Variants in NOL4 observed in about 807,000 individuals in gnomAD.
NOL4 encodes the protein nucleolar protein 4.
A neutral mutation model predicts 75.9 loss-of-function variants in NOL4; 17 were observed. That is an observed-to-expected ratio of 0.22 (90% CI 0.15 to 0.34). The LOEUF is 0.34. Ranked by LOEUF, NOL4 falls within the 10% of genes least tolerant of loss-of-function variation. NOL4 has a pLI of 1.00. For synonymous variants in NOL4, 292 were observed against 289.9 expected (o/e 1.01, Z -0.07); for missense variants, 614 against 793.5 (o/e 0.77, Z 2.72).
chr18:33,945,845 C>A (rs746528194), intron 8 of NOL4, among the ~76,000 whole-genome samples: 1 of 151,626 alleles, frequency 6.6e-6, no homozygotes, highest in East Asian at 1.9e-4. Context: ...TAGAAGTCAT[C>A]CAGTACAAGT....
intron 2 of NOL4, among the ~76,000 whole-genome samples, chr18:34,115,863 G>A (rs1387502024): frequency 6.6e-6 from 1 of 152,104 alleles, no homozygotes; most frequent in Non-Finnish European, 1.5e-5. Flanking sequence ...CCCAGACAAT[G>A]AGGCCATTTC....
At chr18:33,982,010 C>T (rs890044294) in intron 6 of NOL4, among the ~76,000 whole-genome samples, 2 of 152,038 alleles carry the variant, frequency 1.3e-5, no homozygotes, top group Admixed American at 6.6e-5. Context: ...ATGTCTATTG[C>T]AAACTCTAGA....
intron 9 of NOL4, among the ~76,000 whole-genome samples, chr18:33,912,400 A>G (rs548926854): frequency 2.6e-5 from 4 of 152,192 alleles, no homozygotes; most frequent in Non-Finnish European, 5.9e-5. Flanking sequence ...CAAATTTTCT[A>G]ATATAATATA....
intron 9 of NOL4, among the ~76,000 whole-genome samples, chr18:33,907,489 GATA>G (rs2066131220): frequency 6.6e-6 from 1 of 151,870 alleles, no homozygotes; most frequent in Non-Finnish European, 1.5e-5. Context: ...ATAATCTAAG[GATA>G]ATATTTATGT....
intron 9 of NOL4, among the ~76,000 whole-genome samples, chr18:33,937,752 A>G (rs2068163133): frequency 6.6e-6 from 1 of 152,104 alleles, no homozygotes; most frequent in Non-Finnish European, 1.5e-5. Flanking sequence ...AAGGAAATCT[A>G]TAGAATTTAC....
chr18:33,948,891 G>A (rs191072777), intron 8 of NOL4, among the ~76,000 whole-genome samples: 191 of 152,120 alleles, frequency 1.3e-3, no homozygotes, highest in African/African-American at 4.0e-3. Context: ...GCATTATTAA[G>A]AGTGTGTTTA....
chr18:33,865,955 C>T (rs2063410463), intron 10 of NOL4, among the ~76,000 whole-genome samples: 1 of 152,084 alleles, frequency 6.6e-6, no homozygotes, highest in Non-Finnish European at 1.5e-5. Flanking sequence ...ATATTGTACA[C>T]ATACTTAAGA....
At chr18:34,117,396 A>G (rs2079911275) in intron 2 of NOL4, among the ~76,000 whole-genome samples, 1 of 152,168 alleles carries the variant, frequency 6.6e-6, no homozygotes, top group Non-Finnish European at 1.5e-5. Flanking sequence ...TTCATCCATA[A>G]AGAGCTGGGA....
chr18:34,077,920 A>C (rs776518355), intron 5 of NOL4, among the ~76,000 whole-genome samples: 2 of 152,160 alleles, frequency 1.3e-5, no homozygotes, highest in Non-Finnish European at 2.9e-5. Context: ...TTGGAAAACA[A>C]AGCAAAACAA....
At chr18:34,081,874 CAAGA>C (rs1486526735) in intron 5 of NOL4, among the ~76,000 whole-genome samples, 3 of 152,082 alleles carry the variant, frequency 2.0e-5, no homozygotes, top group Admixed American at 1.3e-4. Context: ...CAATTATTGT[CAAGA>C]GAGATTACTG....
intron 1 of NOL4, among the ~76,000 whole-genome samples, chr18:34,164,053 A>T (rs546656943): frequency 4.4e-4 from 67 of 152,294 alleles, no homozygotes; most frequent in Admixed American, 2.8e-3. Context: ...GAAAGCTGAA[A>T]CTGGATCCCT....
At chr18:33,986,763 C>T (rs1177377459) in intron 6 of NOL4, among the ~76,000 whole-genome samples, 2 of 152,044 alleles carry the variant, frequency 1.3e-5, no homozygotes, top group African/African-American at 2.4e-5. Flanking sequence ...AAATCTCACA[C>T]TTATTTACCC....
chr18:34,213,017 G>T (rs928578167), intron 1 of NOL4, among the ~76,000 whole-genome samples: 1 of 152,056 alleles, frequency 6.6e-6, no homozygotes, highest in South Asian at 2.1e-4. Context: ...TATGGGGCTC[G>T]TCATGTTCAC....
chr18:34,142,162 A>C (rs2146003901), intron 1 of NOL4, among the ~76,000 whole-genome samples: 1 of 152,328 alleles, frequency 6.6e-6, no homozygotes, highest in East Asian at 1.9e-4. Flanking sequence ...AATGGTGATC[A>C]TTAAAAAGTC....
chr18:34,218,219 C>T (rs999241253), intron 1 of NOL4, among the ~76,000 whole-genome samples: 1 of 152,070 alleles, frequency 6.6e-6, no homozygotes, highest in African/African-American at 2.4e-5. Flanking sequence ...TGCCATATGC[C>T]TGTATTTTCT....
chr18:33,944,425 TAGACAG>T (rs1428395035), intron 8 of NOL4, among the ~76,000 whole-genome samples: 1 of 151,894 alleles, frequency 6.6e-6, no homozygotes, highest in East Asian at 1.9e-4. Context: ...TTGTACAGTG[TAGACAG>T]AGACCAGGCT....
At chr18:33,881,230 T>G (rs2064250019) in intron 10 of NOL4, among the ~76,000 whole-genome samples, 1 of 150,654 alleles carries the variant, frequency 6.6e-6, no homozygotes, top group Non-Finnish European at 1.5e-5. Flanking sequence ...CCTGAGACTT[T>G]GCTGAAGTTG....
At chr18:33,902,960 T>C (rs1221465547) in intron 9 of NOL4, among the ~76,000 whole-genome samples, 1 of 152,220 alleles carries the variant, frequency 6.6e-6, no homozygotes, top group Non-Finnish European at 1.5e-5. Context: ...ACTATTATTC[T>C]GTTTTGTTCA....
At chr18:34,113,235 G>C (rs1398653897) in intron 2 of NOL4, among the ~76,000 whole-genome samples, 2 of 152,088 alleles carry the variant, frequency 1.3e-5, no homozygotes, top group Non-Finnish European at 2.9e-5. Context: ...CCATCTTGGT[G>C]TCCCAGAGCT....
Sources: gnomAD v4.1 joint callset for allele counts (sites outside exome capture counted in the v4.1 genomes callset) on GRCh38, gnomAD v4.1.1 for gene constraint, MANE v1.5 for transcripts, NCBI Gene and HGNC (gene_info 2026-07-23, HGNC 2026-07-21) for gene names.